The following LRRC7 variants were observed in gnomAD, a reference collection of about 807,000 sequenced individuals.
The protein encoded by LRRC7 is leucine-rich repeat-containing protein 7.
Under a neutral mutation model 175.7 loss-of-function variants are expected in LRRC7, and 23 were observed. The observed-to-expected ratio is 0.13, with a 90% CI of 0.09 to 0.19. The LOEUF is 0.19. Ranked by LOEUF, LRRC7 falls within the 10% of genes least tolerant of loss-of-function variation. The probability of loss-of-function intolerance (pLI) is 1.00; values close to 1 mark genes in which losing one functional copy is unlikely to be tolerated. For missense variants in LRRC7, 1,354 were observed against 1,904.7 expected (o/e 0.71, Z 5.38); for synonymous variants, 685 against 680.9 (o/e 1.01, Z -0.09).
intron 7 of LRRC7, among the ~76,000 whole-genome samples, chr1:69,878,999 C>T (rs529915112): frequency 1.0e-3 from 155 of 149,562 alleles, no homozygotes; most frequent in Non-Finnish European, 1.7e-3. Flanking sequence ...TACATTTGTC[C>T]AAACCCATCA....
intron 21 of LRRC7, among the ~76,000 whole-genome samples, chr1:70,040,191 CTGGA>C (rs1659745256): frequency 6.6e-6 from 1 of 152,162 alleles, no homozygotes; most frequent in Non-Finnish European, 1.5e-5. Flanking sequence ...TCCCCCGTTT[CTGGA>C]TGGACTCACT....
intron 8 of LRRC7, among the ~76,000 whole-genome samples, chr1:69,974,873 A>T (rs1453300564): frequency 6.6e-6 from 1 of 152,160 alleles, no homozygotes; most frequent in Non-Finnish European, 1.5e-5. Context: ...TTATTTTGGA[A>T]TTTCAGTTTT....
chr1:69,841,727 T>C (rs897007098), intron 7 of LRRC7, among the ~76,000 whole-genome samples: 7 of 152,128 alleles, frequency 4.6e-5, no homozygotes, highest in Non-Finnish European at 7.4e-5. Context: ...TTATTTCCAA[T>C]TGGTCACTGC....
intron 21 of LRRC7, among the ~76,000 whole-genome samples, chr1:70,043,470 A>G (rs1372734029): frequency 6.6e-6 from 1 of 152,144 alleles, no homozygotes; most frequent in African/African-American, 2.4e-5. Context: ...AATGAAGGAG[A>G]CTGATTTTGG....
chr1:69,882,610 CTT>C (rs763821316), intron 7 of LRRC7, among the ~76,000 whole-genome samples: 12 of 133,650 alleles, frequency 9.0e-5, no homozygotes, highest in African/African-American at 1.4e-4. Context: ...GGACATTTTT[CTT>C]TTTTTTTTTT....
chr1:70,021,056 G>C lies in LRRC7; in HGVS notation c.1472G>C (p.Arg491Thr). 1 of 1,612,898 alleles carries C rather than the reference G, an allele frequency of 6.2e-7. No individual in the cohort carries two copies. ...AACCCTACACTGTGGGAAGAGCAGA[G>C]ACAACAACGCATGACTGTTGCCTTT... ...SFNPTLWEEQ[R>T]QQRMTVAFEF... Residue 491 changes from arginine (R) to threonine (T), a missense_variant, in exon 16 of 27, where the codon AGA becomes ACA. By Grantham distance (71) the Arg-to-Thr change is moderately conservative. Transcript: ENST00000651989.
At chr1:69,892,071 A>G (rs1645852446) in intron 7 of LRRC7, among the ~76,000 whole-genome samples, 1 of 152,212 alleles carries the variant, frequency 6.6e-6, no homozygotes, top group Non-Finnish European at 1.5e-5. Flanking sequence ...CAGTCTGTAT[A>G]TTGAATATAT....
chr1:69,831,210 C>T (rs540837508), intron 5 of LRRC7, among the ~76,000 whole-genome samples: 2 of 151,928 alleles, frequency 1.3e-5, no homozygotes, highest in South Asian at 2.1e-4. Flanking sequence ...TTTTAACATT[C>T]GTCTAATTTT....
At chr1:70,005,261 A>T (rs941768165) in intron 11 of LRRC7, among the ~76,000 whole-genome samples, 1 of 152,140 alleles carries the variant, frequency 6.6e-6, no homozygotes, top group African/African-American at 2.4e-5. Context: ...AATATTTTCC[A>T]CTGAATTACA....
intron 7 of LRRC7, among the ~76,000 whole-genome samples, chr1:69,887,325 T>G (rs1645668101): frequency 7.7e-6 from 1 of 129,454 alleles, no homozygotes; most frequent in African/African-American, 3.2e-5. Context: ...TTCTTTTTAT[T>G]CTTTTTTCTC....
At chr1:69,808,133 G>A (rs1677357154) in intron 4 of LRRC7, among the ~76,000 whole-genome samples, 2 of 151,490 alleles carry the variant, frequency 1.3e-5, no homozygotes, top group Admixed American at 1.3e-4. Context: ...CTCATGCTGT[G>A]TTTTTAAGCT....
At chr1:70,025,950 T>C (rs921119707) in intron 17 of LRRC7, among the ~76,000 whole-genome samples, 2 of 152,060 alleles carry the variant, frequency 1.3e-5, no homozygotes, top group African/African-American at 4.8e-5. Flanking sequence ...AGTAAATCTA[T>C]TTCTAGATTT....
At chr1:69,619,560 G>A (rs565847052) in intron 1 of LRRC7, among the ~76,000 whole-genome samples, 8 of 152,154 alleles carry the variant, frequency 5.3e-5, no homozygotes, top group South Asian at 4.1e-4. Flanking sequence ...TTTTCCCCTC[G>A]GAAATACTAT....
At chr1:69,991,360 A>G (rs904013833) in intron 10 of LRRC7, among the ~76,000 whole-genome samples, 8 of 152,152 alleles carry the variant, frequency 5.3e-5, no homozygotes, top group Non-Finnish European at 8.8e-5. Context: ...GTGGTATTAT[A>G]TATTTTACAC....
chr1:70,008,386 G>A (rs938426558), intron 11 of LRRC7, among the ~76,000 whole-genome samples: 2 of 152,162 alleles, frequency 1.3e-5, no homozygotes, highest in Non-Finnish European at 2.9e-5. Context: ...ATCCAATCAA[G>A]TTCACATTCA....
At chr1:69,950,710 A>G (rs74084584) in intron 8 of LRRC7, among the ~76,000 whole-genome samples, 2 of 152,212 alleles carry the variant, frequency 1.3e-5, no homozygotes, top group African/African-American at 4.8e-5. Flanking sequence ...GAAAATTATT[A>G]TAATAGTTTC....
chr1:70,066,594 G>A (rs1401297705), intron 23 of LRRC7, among the ~76,000 whole-genome samples: 1 of 152,016 alleles, frequency 6.6e-6, no homozygotes, highest in Non-Finnish European at 1.5e-5. Flanking sequence ...GTATTCCATA[G>A]TATGGATATA....
At chr1:69,672,306 T>C (rs77209898) in intron 1 of LRRC7, among the ~76,000 whole-genome samples, 13,386 of 152,262 alleles carry the variant, frequency 0.088, 623 homozygotes, top group East Asian at 0.14. Context: ...CTAGCCACAT[T>C]TGAAGTGCTC....
chr1:69,821,578 G>A (rs575364039), intron 4 of LRRC7, among the ~76,000 whole-genome samples: 1 of 152,140 alleles, frequency 6.6e-6, no homozygotes, highest in East Asian at 1.9e-4. Flanking sequence ...AATTAATGGA[G>A]CTTCATTTCT....
Sources: gnomAD v4.1 joint callset for allele counts (sites outside exome capture counted in the v4.1 genomes callset) on GRCh38, gnomAD v4.1.1 for gene constraint, MANE v1.5 for transcripts, NCBI Gene and HGNC (gene_info 2026-07-23, HGNC 2026-07-21) for gene names.